Variants in PCNX4 observed in about 807,000 individuals in gnomAD.
PCNX4 encodes pecanex-like protein 4.
A neutral mutation model predicts 107.2 loss-of-function variants in PCNX4; 103 were observed. The observed-to-expected ratio is 0.96, with a 90% CI of 0.82 to 1.13. PCNX4 has a LOEUF of 1.13. PCNX4 is among the 50% of genes most tolerant of loss of function. The pLI is 0.00. For synonymous variants in PCNX4, 541 were observed against 481.7 expected (o/e 1.12, Z -1.61); for missense variants, 1,528 against 1,379.4 (o/e 1.11, Z -1.71).
intron 2 of PCNX4, among the ~76,000 whole-genome samples, chr14:60,113,592 CTCCTGACCTCAGGTGA>C (rs1895781054): frequency 6.6e-6 from 1 of 152,136 alleles, no homozygotes; most frequent in South Asian, 2.1e-4. Context: ...TGGTCTCGAA[CTCCTGACCTCAGGTGA>C]TCTGCCCGCC....
rs2140577579 is a variant in PCNX4, at chr14:60,141,154, T to G, written c.*6933T>G. The G allele has an allele frequency of 6.6e-6, 1 of 152,332 alleles. No homozygotes were observed. The allele number at this position is 152,332 out of a possible 1,614,324, so 9.4% of individuals were successfully genotyped here. On this transcript the variant is annotated 3_prime_UTR_variant, in exon 11 of 11. Coordinates refer to ENST00000406854, the MANE Select transcript of PCNX4 (RefSeq NM_001330177.2). Reference sequence around the variant, plus strand: ...CCATGTGTCTCCAAGAGCTGTCTCCTACATCCCAGGGAATACCTAGGAAGA... The same window carrying G: ...CCATGTGTCTCCAAGAGCTGTCTCCGACATCCCAGGGAATACCTAGGAAGA...
In PCNX4 at chr14:60,144,497, T is replaced by TA. The variant is rs531599359; in HGVS notation, c.*10277dup. The TA allele has an allele frequency of 3.7e-4, 59 of 160,214 alleles. No individual in the cohort carries two copies. The highest frequency in any genetic ancestry group is 7.1e-4 in the Non-Finnish European group (52 of 73,670). 9.9% of individuals were successfully genotyped at this position (160,214 alleles called of 1,614,324 possible). ...CTGTCCCTTCCACCATGTGAGGACA[T>TA]ACATTCCTCCACTGTGGAGGATGCA... On this transcript the variant is annotated 3_prime_UTR_variant, in exon 11 of 11. Coordinates refer to ENST00000406854, the MANE Select transcript of PCNX4 (RefSeq NM_001330177.2).
chr14:60,120,864 A>T (rs918727834), intron 7 of PCNX4, among the ~76,000 whole-genome samples: 1 of 152,204 alleles, frequency 6.6e-6, no homozygotes, highest in African/African-American at 2.4e-5. Flanking sequence ...CATGACTGTC[A>T]AGCTGCCTTT....
Position 60,144,555 on chromosome 14 carries a change from G to C in PCNX4, c.*10334G>C, listed in dbSNP as rs1487411415. On this transcript the variant is annotated 3_prime_UTR_variant, in exon 11 of 11. Transcript: ENST00000406854. ...GGTGCCATCTTGGAAGCAGAGATCA[G>C]CCTTCACCAGACACTAATTCTGCTG... 1 of 197,590 alleles carries C rather than the reference G, an allele frequency of 5.1e-6. No individual in the cohort carries two copies. The highest frequency in any genetic ancestry group is 1.0e-5 in the Non-Finnish European group (1 of 98,710). 12.2% of individuals were successfully genotyped at this position (197,590 alleles called of 1,614,324 possible).
In PCNX4 at chr14:60,139,401, T is replaced by G. The variant is rs778906397; in HGVS notation, c.*5180T>G. The G allele has an allele frequency of 6.6e-6, 1 of 152,100 alleles. No individual in the cohort carries two copies. Among genetic ancestry groups the G allele is most frequent in the Non-Finnish European group, 1.5e-5 (1 of 67,946 alleles). The allele number at this position is 152,100 out of a possible 1,614,324, so 9.4% of individuals were successfully genotyped here. The stretch of plus-strand genomic sequence containing the variant: ...GAGACAATTTGTAATGATAAAAGAT[T>G]TGATTCACCAGAAAGTTTCAACAGG... On this transcript the variant is annotated 3_prime_UTR_variant, in exon 11 of 11. Transcript: ENST00000406854.
In PCNX4 at chr14:60,134,300, C is replaced by T. The variant is rs1311840976; in HGVS notation, c.*79C>T. 2.6e-6 allele frequency: 4 copies of T among 1,521,604 alleles called. No homozygotes were observed. Among genetic ancestry groups the T allele is most frequent in the African/African-American group, 2.7e-5 (2 of 72,840 alleles). The allele number at this position is 1,521,604 out of a possible 1,614,324, so 94.3% of individuals were successfully genotyped here. Reference sequence around the variant, plus strand: ...AAAAAAGTAACTGTGATTCTTGTAACTTGAGGACTTCTCCACACCCCCATT... The same window carrying T: ...AAAAAAGTAACTGTGATTCTTGTAATTTGAGGACTTCTCCACACCCCCATT... On this transcript the variant is annotated 3_prime_UTR_variant, in exon 11 of 11. Transcript: ENST00000406854.
intron 6 of PCNX4, 90 bp from the exon 7 acceptor site, chr14:60,118,239 A>G (rs1595171673): frequency 7.5e-7 from 1 of 1,329,948 alleles, no homozygotes; most frequent in African/African-American, 1.5e-5. Flanking sequence ...GGGCAATAAT[A>G]AAATTACTGT....
Position 60,140,159 on chromosome 14 carries a change from A to G in PCNX4, c.*5938A>G, listed in dbSNP as rs1446764859. On this transcript the variant is annotated 3_prime_UTR_variant, in exon 11 of 11. Transcript: ENST00000406854. This position sits in a 1 kb window ranked among gnomAD's most constrained non-coding sequence, Gnocchi z 4.2. ...ACTGAAAAAGGAAGAAACACAAACA[A>G]CCAATATCAGGAATGAAAGGATATT... 6.6e-6 allele frequency: 1 copy of G among 152,154 alleles called. No individual in the cohort carries two copies. Among genetic ancestry groups the G allele is most frequent in the Non-Finnish European group, 1.5e-5 (1 of 68,012 alleles). 9.4% of individuals were successfully genotyped at this position (152,154 alleles called of 1,614,324 possible). A position where few individuals can be genotyped will look rare whatever the true frequency, so the allele number is the denominator to read the frequency against.
In PCNX4 at chr14:60,108,258, C is replaced by T; in HGVS notation, c.620C>T (p.Thr207Ile). The change falls in exon 2 of 11, where the codon ACT (threonine) becomes ATT (isoleucine). Residue 207 changes from threonine to isoleucine, a missense_variant. Physicochemically the swap from Thr to Ile is moderately conservative, Grantham distance 89. Transcript: ENST00000406854. ...ACTGCGACTTTCCAAACACAGGATA[C>T]TTATGAAATTATTCCTCTTATGAGA... ...TETATFQTQD[T>I]YEIIPLMRPL... 1.2e-6 allele frequency: 2 copies of T among 1,612,626 alleles called. No homozygotes were observed. Among genetic ancestry groups the T allele is most frequent in the East Asian group, 2.2e-5 (1 of 44,872 alleles).
intron 8 of PCNX4, among the ~76,000 whole-genome samples, chr14:60,121,584 AT>A (rs60400453): frequency 0.25 from 37,598 of 151,432 alleles, 6,738 homozygotes; most frequent in African/African-American, 0.5. Flanking sequence ...TGAATCAGTA[AT>A]TTTTTTTTAA....
At chr14:60,096,151 G>A (rs190538233) in intron 1 of PCNX4, among the ~76,000 whole-genome samples, 3,188 of 152,170 alleles carry the variant, frequency 0.021, 59 homozygotes, top group South Asian at 0.049. Flanking sequence ...ACAGATATCT[G>A]GGTTTTCATA....
chr14:60,146,082 G>T lies in PCNX4; in HGVS notation c.*11861G>T, dbSNP rs576767277. ...AGGAAGAGTACAGACTATAAAGAAT[G>T]AGGTATTATGTCCTAAAAATTGCTT... On this transcript the variant is annotated 3_prime_UTR_variant, in exon 11 of 11. Transcript: ENST00000406854. The surrounding 1 kb of genome is among the most constrained non-coding windows in gnomAD (Gnocchi z 4.9). 4.0e-5 allele frequency: 6 copies of T among 151,102 alleles called. No homozygotes were observed. Among genetic ancestry groups the T allele is most frequent in the African/African-American group, 1.2e-4 (5 of 41,296 alleles). The allele number at this position is 151,102 out of a possible 1,614,324, so 9.4% of individuals were successfully genotyped here.
chr14:60,129,112 C>CG (rs1336640281), intron 10 of PCNX4, among the ~76,000 whole-genome samples: 1 of 151,746 alleles, frequency 6.6e-6, no homozygotes, highest in African/African-American at 2.4e-5. Flanking sequence ...GCTACTCGGG[C>CG]GCCTGTAATC....
chr14:60,121,356 C>T, intron 8 of PCNX4, 57 bp downstream of exon 8: 2 of 1,552,398 alleles, frequency 1.3e-6, no homozygotes, highest in Admixed American at 3.6e-5. Context: ...TAAAATTTTA[C>T]CTGTTATGTT....
At chr14:60,131,644 C>T (rs910734130) in intron 10 of PCNX4, among the ~76,000 whole-genome samples, 1 of 152,184 alleles carries the variant, frequency 6.6e-6, no homozygotes, top group Non-Finnish European at 1.5e-5. Context: ...TCTACAGATT[C>T]AACACAGTCC....
At chr14:60,103,770 T>G (rs1390197871) in intron 1 of PCNX4, among the ~76,000 whole-genome samples, 1 of 152,212 alleles carries the variant, frequency 6.6e-6, no homozygotes, top group African/African-American at 2.4e-5. Context: ...ATTGGACTTC[T>G]GACATCTTAA....
intron 1 of PCNX4, among the ~76,000 whole-genome samples, chr14:60,094,691 A>G (rs554655652): frequency 6.6e-6 from 1 of 151,864 alleles, no homozygotes; most frequent in South Asian, 2.1e-4. Context: ...TGTGAACGGC[A>G]GTGGGCTCTG....
intron 10 of PCNX4, among the ~76,000 whole-genome samples, chr14:60,127,384 G>A (rs1023553913): frequency 6.6e-6 from 1 of 152,152 alleles, no homozygotes; most frequent in Non-Finnish European, 1.5e-5. Context: ...CCAGGTCTCT[G>A]TTGAAAACAT....
intron 10 of PCNX4, among the ~76,000 whole-genome samples, chr14:60,129,275 G>A: frequency 6.6e-6 from 1 of 151,110 alleles, no homozygotes; most frequent in Non-Finnish European, 1.5e-5. Context: ...TAACAAGGCT[G>A]GGCATGGTAA....
Sources: gnomAD v4.1 joint callset for allele counts (sites outside exome capture counted in the v4.1 genomes callset) on GRCh38, gnomAD v4.1.1 for gene constraint, Gnocchi (gnomAD v3.1) non-coding constraint, MANE v1.5 for transcripts, NCBI Gene and HGNC (gene_info 2026-07-23, HGNC 2026-07-21) for gene names.